The following SPATA16 variants were observed in gnomAD, a reference collection of about 807,000 sequenced individuals.
The protein encoded by SPATA16 is spermatogenesis associated 16, also known as spermatogenesis-associated protein 16.
SPATA16 carries 36 observed loss-of-function variants against 63.3 expected under a neutral mutation model. The ratio of observed to expected loss-of-function variants is 0.57; its 90% CI spans 0.44 to 0.75. SPATA16 has a LOEUF of 0.75. SPATA16 is among the 30% of genes least tolerant of loss of function. The pLI is 0.00. For synonymous variants in SPATA16, 203 were observed against 216.7 expected (o/e 0.94, Z 0.56); for missense variants, 646 against 679.3 (o/e 0.95, Z 0.54).
At chr3:173,138,830 C>T (rs568060925) in intron 1 of SPATA16, among the ~76,000 whole-genome samples, 5 of 152,256 alleles carry the variant, frequency 3.3e-5, no homozygotes, top group Non-Finnish European at 5.9e-5. Flanking sequence ...TTGCCTAAAT[C>T]GTGAAATATT....
intron 2 of SPATA16, among the ~76,000 whole-genome samples, chr3:173,053,715 A>G (rs956706688): frequency 6.6e-6 from 1 of 152,134 alleles, no homozygotes; most frequent in Non-Finnish European, 1.5e-5. Context: ...TCCTCACTGT[A>G]TCACTGGAAT....
intron 10 of SPATA16, among the ~76,000 whole-genome samples, chr3:172,893,909 G>A (rs75335784): frequency 0.094 from 14,278 of 152,212 alleles, 742 homozygotes; most frequent in African/African-American, 0.13. Flanking sequence ...GTTTGCTTGC[G>A]CATGTTCATG....
At chr3:172,931,898 A>T (rs1732880089) in intron 6 of SPATA16, among the ~76,000 whole-genome samples, 1 of 152,216 alleles carries the variant, frequency 6.6e-6, no homozygotes, top group Non-Finnish European at 1.5e-5. Flanking sequence ...TGGAAAAATT[A>T]GTTTTATAGT....
At chr3:172,989,648 T>C (rs1385900798) in intron 4 of SPATA16, among the ~76,000 whole-genome samples, 1 of 152,126 alleles carries the variant, frequency 6.6e-6, no homozygotes, top group African/African-American at 2.4e-5. Flanking sequence ...TCAGAAGGAG[T>C]AAATGCCCTG....
intron 5 of SPATA16, among the ~76,000 whole-genome samples, chr3:172,975,857 C>T (rs1577114479): frequency 6.6e-6 from 1 of 150,510 alleles, no homozygotes; most frequent in Admixed American, 6.6e-5. Flanking sequence ...TAATATCTAA[C>T]AAAGATAACA....
rs536615604 is a variant in SPATA16 at position 172,998,049 on chromosome 3, AG to A, written c.849-20998del. On this transcript the variant is annotated intron_variant, in intron 4 of 10. Transcript: ENST00000351008. ...TCTTCTACCTCTCTATATATATTTT[AG>A]GGTCAATTTGTTTATATAAATGAAA... Among the ~76,000 whole-genome samples, 395 of 152,198 alleles carry A rather than the reference AG, an allele frequency of 2.6e-3. 3 individuals carry two copies. Among genetic ancestry groups the A allele is most frequent in the Admixed American group, 3.9e-3 (59 of 15,284 alleles).
At chr3:172,983,759 T>TCA (rs907215565) in intron 4 of SPATA16, among the ~76,000 whole-genome samples, 32 of 149,894 alleles carry the variant, frequency 2.1e-4, no homozygotes, top group Admixed American at 1.0e-3. Flanking sequence ...ACACACACAC[T>TCA]CACACACACA....
chr3:173,118,858 TAGG>T (rs1303743204), intron 1 of SPATA16, among the ~76,000 whole-genome samples: 1 of 152,036 alleles, frequency 6.6e-6, no homozygotes, highest in Non-Finnish European at 1.5e-5. Flanking sequence ...ACCACAAAGA[TAGG>T]AGAAAATAAC....
At chr3:172,984,561 G>A (rs1734398501) in intron 4 of SPATA16, among the ~76,000 whole-genome samples, 1 of 152,086 alleles carries the variant, frequency 6.6e-6, no homozygotes, top group Non-Finnish European at 1.5e-5. Flanking sequence ...TTTGTAACAA[G>A]CCTTCTTCTA....
chr3:173,113,818 A>G (rs1358118131), intron 2 of SPATA16, among the ~76,000 whole-genome samples: 1 of 152,046 alleles, frequency 6.6e-6, no homozygotes, highest in Admixed American at 6.6e-5. Context: ...TTGTGGTCTC[A>G]CCTTTAACCA....
chr3:173,033,990 C>G (rs1465785223), intron 3 of SPATA16, among the ~76,000 whole-genome samples: 1 of 152,198 alleles, frequency 6.6e-6, no homozygotes, highest in African/African-American at 2.4e-5. Flanking sequence ...CAGGAGTGAG[C>G]TGCCGCGCCT....
At chr3:173,131,762 G>A (rs1343158996) in intron 1 of SPATA16, among the ~76,000 whole-genome samples, 1 of 152,124 alleles carries the variant, frequency 6.6e-6, no homozygotes, top group Non-Finnish European at 1.5e-5. Flanking sequence ...ACTTCTTTGA[G>A]GGTTGCAGCT....
intron 4 of SPATA16, among the ~76,000 whole-genome samples, chr3:172,979,681 T>C (rs944445608): frequency 1.3e-5 from 2 of 152,222 alleles, no homozygotes; most frequent in African/African-American, 4.8e-5. Flanking sequence ...TATTGTCGCA[T>C]TGTTTGCTAC....
Position 172,916,424 on chromosome 3 carries a change from TG to T in SPATA16, c.1395del (p.Ser466AlafsTer6), listed in dbSNP as rs1387417251. On this transcript the variant is annotated frameshift_variant, in exon 9 of 11. Coordinates refer to ENST00000351008, the MANE Select transcript of SPATA16 (RefSeq NM_031955.6). LOFTEE classifies it high-confidence loss of function. The part of the protein sequence containing the change: ...VMEKLQYASL[L>X]SQLQRVKEQS... ...TGCTCCTTTACTCTCTGCAGCTGGC[TG>T]AGGAGGCTGGCATATTGCAACTTCT... The T allele has an allele frequency of 6.2e-7, 1 of 1,613,896 alleles. No individual in the cohort carries two copies. Among genetic ancestry groups the T allele is most frequent in the Non-Finnish European group, 8.5e-7 (1 of 1,179,812 alleles).
At chr3:173,125,165 T>C (rs1738194763) in intron 1 of SPATA16, among the ~76,000 whole-genome samples, 1 of 152,178 alleles carries the variant, frequency 6.6e-6, no homozygotes, top group African/African-American at 2.4e-5. Context: ...ATCCCCCCAG[T>C]TGGCCAAGAT....
chr3:172,935,461 T>A (rs1286695120), intron 6 of SPATA16, among the ~76,000 whole-genome samples: 1 of 152,172 alleles, frequency 6.6e-6, no homozygotes, highest in Non-Finnish European at 1.5e-5. Flanking sequence ...ATATTAGAAA[T>A]AAGCTTAGTA....
At chr3:172,995,124 C>A (rs765794472) in intron 4 of SPATA16, among the ~76,000 whole-genome samples, 1 of 151,798 alleles carries the variant, frequency 6.6e-6, no homozygotes. Context: ...ATGTGCAATT[C>A]TTTTTTAAAA....
At chr3:172,892,892 T>G (rs1462028165) in intron 10 of SPATA16, among the ~76,000 whole-genome samples, 1 of 152,224 alleles carries the variant, frequency 6.6e-6, no homozygotes, top group African/African-American at 2.4e-5. Context: ...CAGATAACTT[T>G]TTTTGTGTAT....
intron 10 of SPATA16, among the ~76,000 whole-genome samples, chr3:172,891,380 G>A (rs910699044): frequency 5.3e-5 from 8 of 152,144 alleles, no homozygotes. Flanking sequence ...AGAAACACAA[G>A]ATATGTCACT....
Sources: gnomAD v4.1 joint callset for allele counts (sites outside exome capture counted in the v4.1 genomes callset) on GRCh38, gnomAD v4.1.1 for gene constraint, MANE v1.5 for transcripts, NCBI Gene and HGNC (gene_info 2026-07-23, HGNC 2026-07-21) for gene names.